The following VSNL1 variants were observed in gnomAD, a reference collection of about 807,000 sequenced individuals.
VSNL1 encodes the protein visinin like 1, also known as visinin-like protein 1.
A neutral mutation model predicts 20.4 loss-of-function variants in VSNL1; 6 were observed. The observed-to-expected ratio is 0.29, with a 90% CI of 0.16 to 0.58. The LOEUF (loss-of-function observed/expected upper bound fraction) is 0.58, where lower values mean the gene tolerates loss of function less well. Among genes scored for constraint, VSNL1 ranks in the 20% least tolerant of loss-of-function variants. The pLI is 0.90. For missense variants in VSNL1, 100 were observed against 234.5 expected (o/e 0.43, Z 3.75); for synonymous variants, 93 against 86.4 (o/e 1.08, Z -0.42).
chr2:17,541,585 G>A (rs1663286094), intron 1 of VSNL1: 1 of 152,210 alleles, frequency 6.6e-6, no homozygotes, highest in African/African-American at 2.4e-5. Context: ...CACAGGCTCG[G>A]TCGCTGAATG....
chr2:17,546,111 T>C (rs1281757704), intron 1 of VSNL1: 1 of 152,060 alleles, frequency 6.6e-6, no homozygotes, highest in Non-Finnish European at 1.5e-5. Context: ...TCAATGTACC[T>C]AATACAATAA....
intron 2 of VSNL1, among the ~76,000 whole-genome samples, chr2:17,610,468 G>C (rs1380380232): frequency 6.6e-6 from 1 of 152,124 alleles, no homozygotes; most frequent in South Asian, 2.1e-4. Flanking sequence ...AGTGAACCAG[G>C]TGGTGATGAA....
intron 2 of VSNL1, among the ~76,000 whole-genome samples, chr2:17,645,385 T>A (rs1165142976): frequency 6.6e-6 from 1 of 152,198 alleles, no homozygotes; most frequent in African/African-American, 2.4e-5. Flanking sequence ...GAACCAGGGA[T>A]CTTTGGAGGG....
intron 2 of VSNL1, among the ~76,000 whole-genome samples, chr2:17,637,402 C>A (rs528348807): frequency 2.0e-5 from 3 of 152,350 alleles, no homozygotes; most frequent in African/African-American, 7.2e-5. Context: ...CTTGCTCCCC[C>A]TTAGGCAGGC....
intron 1 of VSNL1, among the ~76,000 whole-genome samples, chr2:17,569,006 A>G (rs924440625): frequency 6.6e-6 from 1 of 152,212 alleles, no homozygotes; most frequent in South Asian, 2.1e-4. Flanking sequence ...TTCAACTTTT[A>G]TGTTCTTAAA....
At chr2:17,569,385 A>G (rs1040548179) in intron 1 of VSNL1, among the ~76,000 whole-genome samples, 5 of 151,864 alleles carry the variant, frequency 3.3e-5, no homozygotes, top group African/African-American at 1.2e-4. Flanking sequence ...ATGTGCCCAC[A>G]TGTGGACTTG....
intron 2 of VSNL1, among the ~76,000 whole-genome samples, chr2:17,603,326 CTT>C (rs1415928404): frequency 6.6e-6 from 1 of 152,218 alleles, no homozygotes; most frequent in Non-Finnish European, 1.5e-5. Flanking sequence ...ATAAATGACT[CTT>C]TCTTGCTGTG....
intron 2 of VSNL1, among the ~76,000 whole-genome samples, chr2:17,600,513 C>T (rs1664800415): frequency 6.6e-6 from 1 of 152,284 alleles, no homozygotes; most frequent in South Asian, 2.1e-4. Flanking sequence ...ATGACTACTG[C>T]CTCTTCTCAA....
intron 2 of VSNL1, among the ~76,000 whole-genome samples, chr2:17,613,441 C>G (rs1003711504): frequency 6.6e-6 from 1 of 152,208 alleles, no homozygotes; most frequent in Non-Finnish European, 1.5e-5. Flanking sequence ...GGCCACAGGA[C>G]AGCAAACAGA....
At chr2:17,654,808 GC>G (rs1666189978) in intron 3 of VSNL1, among the ~76,000 whole-genome samples, 1 of 151,982 alleles carries the variant, frequency 6.6e-6, no homozygotes, top group Non-Finnish European at 1.5e-5. Flanking sequence ...ACTTCACCTG[GC>G]CCTCCCTCCT....
chr2:17,628,767 C>A (rs1469740234), intron 2 of VSNL1, among the ~76,000 whole-genome samples: 3 of 152,206 alleles, frequency 2.0e-5, no homozygotes, highest in Non-Finnish European at 2.9e-5. Flanking sequence ...TGGGTCCTGG[C>A]CTGAGCTCAG....
intron 1 of VSNL1, among the ~76,000 whole-genome samples, chr2:17,552,199 CA>C (rs34120285): frequency 0.02 from 2,431 of 120,704 alleles, 26 homozygotes; most frequent in Non-Finnish European, 0.027. Context: ...GATTCCATCT[CA>C]AAAAAAAAAA....
At chr2:17,639,308 T>G (rs1319881024) in intron 2 of VSNL1, among the ~76,000 whole-genome samples, 1 of 152,236 alleles carries the variant, frequency 6.6e-6, no homozygotes, top group Non-Finnish European at 1.5e-5. Context: ...CTACACATCC[T>G]GCAAGGTGAA....
intron 1 of VSNL1, among the ~76,000 whole-genome samples, chr2:17,546,657 T>C (rs1663412474): frequency 6.6e-6 from 1 of 152,012 alleles, no homozygotes; most frequent in African/African-American, 2.4e-5. Flanking sequence ...ATTTTAAATT[T>C]TGAGTAAAAT....
chr2:17,638,993 C>G (rs1459320613), intron 2 of VSNL1, among the ~76,000 whole-genome samples: 1 of 152,158 alleles, frequency 6.6e-6, no homozygotes, highest in Non-Finnish European at 1.5e-5. Context: ...TGTTCTTGCT[C>G]TTTGTGCCCA....
At chr2:17,573,850 G>T (rs541356122) in intron 1 of VSNL1, among the ~76,000 whole-genome samples, 1 of 152,218 alleles carries the variant, frequency 6.6e-6, no homozygotes, top group Non-Finnish European at 1.5e-5. Flanking sequence ...GAGAAAGCTT[G>T]TGTCTTCCCT....
At chr2:17,615,364 T>A (rs2103397132) in intron 2 of VSNL1, among the ~76,000 whole-genome samples, 1 of 152,302 alleles carries the variant, frequency 6.6e-6, no homozygotes, top group African/African-American at 2.4e-5. Context: ...ACATGGTAAT[T>A]GTATTCATGA....
intron 2 of VSNL1, among the ~76,000 whole-genome samples, chr2:17,607,537 A>G (rs1664974834): frequency 6.6e-6 from 1 of 152,214 alleles, no homozygotes; most frequent in Non-Finnish European, 1.5e-5. Flanking sequence ...GAGTTGAACC[A>G]TGTCACTTCT....
chr2:17,608,378 G>A (rs954199109), intron 2 of VSNL1, among the ~76,000 whole-genome samples: 4 of 152,140 alleles, frequency 2.6e-5, no homozygotes, highest in East Asian at 1.9e-4. Context: ...CTAATATGTC[G>A]TGGCTTCACA....
Sources: allele counts gnomAD v4.1 joint callset (sites outside exome capture counted in the v4.1 genomes callset), GRCh38; gene constraint gnomAD v4.1.1; transcripts MANE v1.5; gene names NCBI Gene and HGNC (gene_info 2026-07-23, HGNC 2026-07-21).